The following PFKFB1 variants were observed in gnomAD, a reference collection of about 807,000 sequenced individuals.
PFKFB1 encodes 6-phosphofructo-2-kinase/fructose-2,6-bisphosphatase 1.
PFKFB1 carries 34 observed loss-of-function variants against 46.4 expected under a neutral mutation model. The observed-to-expected ratio is 0.73, with a 90% CI of 0.56 to 0.98. The LOEUF is 0.98. Ranked by LOEUF, PFKFB1 falls within the 50% of genes least tolerant of loss-of-function variation. The probability of loss-of-function intolerance (pLI) is 0.00; values close to 1 mark genes in which losing one functional copy is unlikely to be tolerated. For missense variants in PFKFB1, 393 were observed against 376.3 expected (o/e 1.04, Z -0.37); for synonymous variants, 119 against 133.8 (o/e 0.89, Z 0.76).
At chrX:54,980,012 A>G (rs182164273) in intron 1 of PFKFB1, among the ~76,000 whole-genome samples, 5 of 111,190 alleles carry the variant, frequency 4.5e-5, no homozygotes, top group African/African-American at 9.8e-5. Flanking sequence ...CCTCATTCCA[A>G]TATGTTATGA....
chrX:54,940,042 T>G (rs372701337), intron 10 of PFKFB1, among the ~76,000 whole-genome samples: 1 of 111,676 alleles, frequency 9.0e-6, no homozygotes, highest in Non-Finnish European at 1.9e-5. Flanking sequence ...GCTTATCCAC[T>G]ATGATCAAGT....
At chrX:54,938,411 A>C (rs1000663468) in intron 10 of PFKFB1, among the ~76,000 whole-genome samples, 2 of 112,135 alleles carry the variant, frequency 1.8e-5, no homozygotes, top group Non-Finnish European at 3.8e-5. Flanking sequence ...CCTTAAATGT[A>C]AATGGGCTAA....
At chrX:54,975,943 A>G (rs1934827536) in intron 1 of PFKFB1, among the ~76,000 whole-genome samples, 1 of 111,683 alleles carries the variant, frequency 9.0e-6, no homozygotes, top group Non-Finnish European at 1.9e-5. Context: ...AAATAATTCA[A>G]AGTGGATCAT....
rs1418192596 is a variant in PFKFB1, at chrX:54,933,201, A to G, written c.*202T>C. ...CTTTATTCGTCAGAGAATAGGAATTAAGAAAGAAAGTTTCCTCCAGAGCTA... is the reference window on the plus strand; with the variant it reads ...CTTTATTCGTCAGAGAATAGGAATTGAGAAAGAAAGTTTCCTCCAGAGCTA... On this transcript the variant is annotated 3_prime_UTR_variant, in exon 14 of 14. Transcript: ENST00000375006. 2.3e-6 allele frequency: 1 copy of G among 435,091 alleles called. No individual in the cohort carries two copies. The allele number at this position is 435,091 out of a possible 1,213,427, so 35.9% of individuals were successfully genotyped here. A position where few individuals can be genotyped will look rare whatever the true frequency, so the allele number is the denominator to read the frequency against.
At chrX:54,940,857 C>T (rs1012365814) in intron 10 of PFKFB1, among the ~76,000 whole-genome samples, 1 of 111,701 alleles carries the variant, frequency 9.0e-6, no homozygotes, top group African/African-American at 3.3e-5. Context: ...CATCAAGCTA[C>T]CAATGCCTTT....
At chrX:54,976,761 G>C (rs1602218288) in intron 1 of PFKFB1, among the ~76,000 whole-genome samples, 2 of 111,463 alleles carry the variant, frequency 1.8e-5, no homozygotes, top group Admixed American at 1.9e-4. Flanking sequence ...GTTGGTGAAT[G>C]GATAAACAAA....
chrX:54,962,142 G>T (rs1334178497), intron 2 of PFKFB1, among the ~76,000 whole-genome samples: 1 of 110,522 alleles, frequency 9.0e-6, no homozygotes, highest in African/African-American at 3.3e-5. Context: ...GAAAGCAGGG[G>T]AATCAGAACC....
intron 1 of PFKFB1, among the ~76,000 whole-genome samples, chrX:54,972,264 T>A (rs1324267743): frequency 9.1e-6 from 1 of 110,489 alleles, no homozygotes; most frequent in Non-Finnish European, 1.9e-5. Context: ...TTTCTAGATA[T>A]ACAATCATGT....
rs186775441 is a variant in PFKFB1, at chrX:54,937,310, T to C, written c.1228+285A>G. 1.2e-4 allele frequency among the ~76,000 whole-genome samples: 14 copies of C among 112,138 alleles called. No homozygotes were observed. In the East Asian group the frequency reaches 3.9e-3, roughly 31 times the overall value. ...ATACTATACTAATAATAGCAGTTAA[T>C]ATATAGCCCACACAATGTGTCATGA... On this transcript the variant is annotated intron_variant, in intron 11 of 13. Transcript: ENST00000375006.
intron 10 of PFKFB1, among the ~76,000 whole-genome samples, chrX:54,940,923 C>T (rs976222205): frequency 1.8e-5 from 2 of 111,456 alleles, no homozygotes; most frequent in African/African-American, 6.5e-5. Context: ...AAAAAGGGCC[C>T]GCATCGCCAA....
chrX:54,951,467 T>C (rs1004971861), intron 8 of PFKFB1, among the ~76,000 whole-genome samples: 2 of 111,611 alleles, frequency 1.8e-5, no homozygotes, highest in African/African-American at 3.3e-5. Context: ...GAGGGCAGAA[T>C]TGGGAAGAAG....
At chrX:54,958,511 C>CTGAGTT (rs1336413463) in intron 5 of PFKFB1, 149 bp from the exon 6 acceptor site, 1 of 439,109 alleles carries the variant, frequency 2.3e-6, no homozygotes, top group East Asian at 3.7e-5. Context: ...TTCCAGGCTT[C>CTGAGTT]TGAGTTTCAT....
intron 1 of PFKFB1, among the ~76,000 whole-genome samples, chrX:54,972,584 T>C (rs756937232): frequency 8.9e-6 from 1 of 111,874 alleles, no homozygotes; most frequent in East Asian, 2.8e-4. Context: ...TTTCTGCATC[T>C]ATTGAGATAA....
intron 10 of PFKFB1, among the ~76,000 whole-genome samples, chrX:54,939,023 A>C (rs183664088): frequency 2.0e-4 from 22 of 111,980 alleles, no homozygotes; most frequent in Middle Eastern, 9.1e-3. Flanking sequence ...AAAAGAACAG[A>C]AATTATAACA....
intron 1 of PFKFB1, among the ~76,000 whole-genome samples, chrX:54,985,743 ATT>A (rs1476829014): frequency 2.7e-5 from 3 of 110,131 alleles, no homozygotes; most frequent in Non-Finnish European, 5.7e-5. Flanking sequence ...TAATATATAT[ATT>A]ATAATAGCTC....
chrX:54,971,866 T>C (rs1184401577), intron 1 of PFKFB1, among the ~76,000 whole-genome samples: 1 of 111,623 alleles, frequency 9.0e-6, no homozygotes, highest in East Asian at 2.8e-4. Flanking sequence ...TTTTTCCAAT[T>C]CTGTGAAGAA....
At chrX:54,972,275 C>A (rs1416392869) in intron 1 of PFKFB1, among the ~76,000 whole-genome samples, 2 of 109,994 alleles carry the variant, frequency 1.8e-5, no homozygotes, top group Non-Finnish European at 3.8e-5. Context: ...ACAATCATGT[C>A]GTCTGCAAAC....
At chrX:54,976,771 A>C (rs1335408794) in intron 1 of PFKFB1, among the ~76,000 whole-genome samples, 1 of 111,582 alleles carries the variant, frequency 9.0e-6, no homozygotes, top group Non-Finnish European at 1.9e-5. Context: ...GGATAAACAA[A>C]TTGTGGTACA....
At chrX:54,978,918 T>C (rs1934902797) in intron 1 of PFKFB1, among the ~76,000 whole-genome samples, 1 of 111,825 alleles carries the variant, frequency 8.9e-6, no homozygotes, top group Non-Finnish European at 1.9e-5. Flanking sequence ...CTGTCACAGA[T>C]TGGATGATTC....
Sources: allele counts gnomAD v4.1 joint callset (sites outside exome capture counted in the v4.1 genomes callset), GRCh38; gene constraint gnomAD v4.1.1; transcripts MANE v1.5; gene names NCBI Gene and HGNC (gene_info 2026-07-23, HGNC 2026-07-21).